Variants in ST6GAL1 observed in about 807,000 individuals in gnomAD.
ST6GAL1 encodes the protein ST6 beta-galactoside alpha-2,6-sialyltransferase 1, also known as beta-galactoside alpha-2,6-sialyltransferase 1.
A neutral mutation model predicts 38.0 loss-of-function variants in ST6GAL1; 20 were observed. The observed-to-expected ratio is 0.53, with a 90% CI of 0.37 to 0.77. The LOEUF (loss-of-function observed/expected upper bound fraction) is 0.77, where lower values mean the gene tolerates loss of function less well. Ranked by LOEUF, ST6GAL1 falls within the 30% of genes least tolerant of loss-of-function variation. ST6GAL1 has a pLI of 0.00. For missense variants in ST6GAL1, 432 were observed against 496.4 expected (o/e 0.87, Z 1.23); for synonymous variants, 196 against 188.2 (o/e 1.04, Z -0.34).
chr3:186,989,367 A>AT (rs1194763357), intron 2 of ST6GAL1, among the ~76,000 whole-genome samples: 1 of 152,222 alleles, frequency 6.6e-6, no homozygotes, highest in Non-Finnish European at 1.5e-5. Context: ...GTATAAAAAC[A>AT]TTTCTTAATT....
At chr3:186,947,816 T>C (rs1482862537) in intron 1 of ST6GAL1, among the ~76,000 whole-genome samples, 1 of 152,186 alleles carries the variant, frequency 6.6e-6, no homozygotes, top group Non-Finnish European at 1.5e-5. Flanking sequence ...ATGAGACAGT[T>C]TGAAAGAGGC....
intron 5 of ST6GAL1, among the ~76,000 whole-genome samples, chr3:187,058,787 A>G (rs530974144): frequency 6.6e-6 from 1 of 151,964 alleles, no homozygotes; most frequent in Non-Finnish European, 1.5e-5. Flanking sequence ...GATTACAGGC[A>G]TGCACCACCA....
At chr3:186,940,387 A>C (rs1432871032) in intron 1 of ST6GAL1, among the ~76,000 whole-genome samples, 1 of 152,160 alleles carries the variant, frequency 6.6e-6, no homozygotes, top group Admixed American at 6.5e-5. Context: ...TACTGTTTGC[A>C]GTTTGATGTC....
At position 187,061,570 on chromosome 3, in the gene ST6GAL1, A is replaced by G. The variant is rs1306024187; in HGVS notation, c.705+10224A>G. 2.0e-5 allele frequency among the ~76,000 whole-genome samples: 3 copies of G among 152,332 alleles called. No homozygotes were observed. In the East Asian group the frequency reaches 5.8e-4, roughly 29 times the overall value. Reference sequence around the variant, plus strand: ...AAAGTCCAGAAATAAAGTCTTGTATATATGTGTAAATGATTTTTGATGAGT... The same window carrying G: ...AAAGTCCAGAAATAAAGTCTTGTATGTATGTGTAAATGATTTTTGATGAGT... On this transcript the variant is annotated intron_variant, in intron 5 of 7. Coordinates refer to ENST00000169298, the MANE Select transcript of ST6GAL1 (RefSeq NM_173216.2).
intron 2 of ST6GAL1, among the ~76,000 whole-genome samples, chr3:186,986,102 G>A (rs945999750): frequency 7.9e-5 from 12 of 152,208 alleles, no homozygotes; most frequent in Non-Finnish European, 1.6e-4. Context: ...AAGTGGGGAA[G>A]TGTAAGCAAG....
rs975653786 is a variant in ST6GAL1 at position 187,076,576 on chromosome 3, C to T, written c.*773C>T. The T allele has an allele frequency of 2.8e-5, 10 of 355,772 alleles. No individual in the cohort carries two copies. Among genetic ancestry groups the T allele is most frequent in the Non-Finnish European group, 4.5e-5 (9 of 200,126 alleles). 22.0% of individuals were successfully genotyped at this position (355,772 alleles called of 1,614,324 possible). A position where few individuals can be genotyped will look rare whatever the true frequency, so the allele number is the denominator to read the frequency against. On this transcript the variant is annotated 3_prime_UTR_variant, in exon 8 of 8. Coordinates refer to ENST00000169298, the MANE Select transcript of ST6GAL1 (RefSeq NM_173216.2). Reference sequence around the variant, plus strand: ...GGATTTGGAGAGAGATGGGCTTGCTCTCTCTGTGCACCCAGGAGGGCCACG... The same window carrying T: ...GGATTTGGAGAGAGATGGGCTTGCTTTCTCTGTGCACCCAGGAGGGCCACG...
intron 1 of ST6GAL1, among the ~76,000 whole-genome samples, chr3:186,961,805 T>C (rs1714944600): frequency 6.6e-6 from 1 of 152,176 alleles, no homozygotes; most frequent in Non-Finnish European, 1.5e-5. Flanking sequence ...ATACAAGAGC[T>C]GGCTAGGGAG....
In ST6GAL1 at chr3:187,077,071, GTGGTGTGGCTCTC is replaced by G. The variant is rs948041200; in HGVS notation, c.*1272_*1284del. On this transcript the variant is annotated 3_prime_UTR_variant, in exon 8 of 8. Transcript: ENST00000169298. ...TTTGCTGAAGGTCTCTCAGGGTGTA[GTGGTGTGGCTCTC>G]TGGACTTAACGTCACTCTCAGAGGT... 32 of 398,534 alleles carry G rather than the reference GTGGTGTGGCTCTC, an allele frequency of 8.0e-5. No individual in the cohort carries two copies. Among genetic ancestry groups the G allele is most frequent in the Non-Finnish European group, 1.4e-4 (32 of 226,024 alleles). The allele number at this position is 398,534 out of a possible 1,614,324, so 24.7% of individuals were successfully genotyped here.
intron 1 of ST6GAL1, among the ~76,000 whole-genome samples, chr3:186,947,091 GT>G (rs1225492221): frequency 6.6e-6 from 1 of 152,192 alleles, no homozygotes; most frequent in African/African-American, 2.4e-5. Flanking sequence ...ACTGGGAGCA[GT>G]TTGTTGGTGG....
intron 2 of ST6GAL1, among the ~76,000 whole-genome samples, chr3:187,032,498 TGA>T (rs1717787690): frequency 6.6e-6 from 1 of 152,192 alleles, no homozygotes; most frequent in South Asian, 2.1e-4. Context: ...AAATGCATAC[TGA>T]GAGCTTATTA....
At chr3:187,059,351 G>T (rs1718830615) in intron 5 of ST6GAL1, among the ~76,000 whole-genome samples, 1 of 152,188 alleles carries the variant, frequency 6.6e-6, no homozygotes, top group South Asian at 2.1e-4. Context: ...AGAGGGTTAG[G>T]ACCAGCTTTG....
chr3:187,071,716 C>A (rs1315620552), intron 5 of ST6GAL1, among the ~76,000 whole-genome samples: 3 of 147,582 alleles, frequency 2.0e-5, no homozygotes, highest in Non-Finnish European at 4.5e-5. Context: ...GCCGAGATCA[C>A]GCCACTGCAC....
intron 2 of ST6GAL1, among the ~76,000 whole-genome samples, chr3:187,018,503 G>A (rs1717191807): frequency 6.6e-6 from 1 of 152,200 alleles, no homozygotes; most frequent in African/African-American, 2.4e-5. Flanking sequence ...TCCCACAGCT[G>A]AAGAACTTGG....
chr3:187,055,034 A>G (rs1226729015), intron 5 of ST6GAL1, among the ~76,000 whole-genome samples: 1 of 152,092 alleles, frequency 6.6e-6, no homozygotes, highest in Non-Finnish European at 1.5e-5. Flanking sequence ...GGGAGGGTGT[A>G]TGTGTCCAGG....
intron 1 of ST6GAL1, among the ~76,000 whole-genome samples, chr3:186,960,689 T>C (rs1176598057): frequency 6.6e-6 from 1 of 151,984 alleles, no homozygotes; most frequent in Non-Finnish European, 1.5e-5. Context: ...GAATTTAAGA[T>C]AGAAGAGTCA....
chr3:187,028,650 A>G (rs749911419), intron 2 of ST6GAL1, among the ~76,000 whole-genome samples: 1 of 152,114 alleles, frequency 6.6e-6, no homozygotes, highest in Admixed American at 6.5e-5. Context: ...ATGTTCCAAT[A>G]TCCCCATTTG....
intron 4 of ST6GAL1, among the ~76,000 whole-genome samples, chr3:187,048,620 G>A (rs762309190): frequency 3.3e-5 from 5 of 152,240 alleles, no homozygotes; most frequent in East Asian, 1.9e-4. Flanking sequence ...GTCTATGTCC[G>A]TGCAGTAGAA....
At chr3:187,010,027 T>A (rs10937278) in intron 2 of ST6GAL1, among the ~76,000 whole-genome samples, 114,141 of 151,572 alleles carry the variant, frequency 0.75, 43,275 homozygotes, top group East Asian at 0.89. Context: ...ATTATAACCC[T>A]TTGTGTGGAC....
At chr3:186,967,977 T>A (rs1229873251) in intron 2 of ST6GAL1, among the ~76,000 whole-genome samples, 1 of 152,158 alleles carries the variant, frequency 6.6e-6, no homozygotes. Context: ...GCAGTGGCAA[T>A]CCAAGAGAGA....
Sources: allele counts gnomAD v4.1 joint callset (sites outside exome capture counted in the v4.1 genomes callset), GRCh38; gene constraint gnomAD v4.1.1; transcripts MANE v1.5; gene names NCBI Gene and HGNC (gene_info 2026-07-23, HGNC 2026-07-21).